The following P2RY8 variants were observed in gnomAD, a reference collection of about 807,000 sequenced individuals.
P2RY8 encodes the protein S-geranylgeranyl-glutathione receptor P2RY8.
A neutral mutation model predicts 10.0 loss-of-function variants in P2RY8; 6 were observed. The observed-to-expected ratio is 0.60, with a 90% CI of 0.33 to 1.19. The LOEUF is 1.19. Ranked by LOEUF, P2RY8 falls within the 50% of genes most tolerant of loss-of-function variation. The pLI is 0.04. For missense variants in P2RY8, 456 were observed against 542.0 expected (o/e 0.84, Z 1.58); for synonymous variants, 276 against 252.5 (o/e 1.09, Z -0.88).
At chrX:1,535,706 CACACACACAGACACACACACAG>C (rs1569539073) in intron 1 of P2RY8, among the ~76,000 whole-genome samples, 3 of 147,464 alleles carry the variant, frequency 2.0e-5, no homozygotes, top group African/African-American at 7.6e-5. Context: ...CACACACACA[CACACACACAGACACACACACAG>C]ACACACACAC....
rs7891305 is a variant in P2RY8 at position 1,484,492 on chromosome X, T to G, written c.-24-17910A>C. Among the ~76,000 whole-genome samples, 15 of 151,356 alleles carry G rather than the reference T, an allele frequency of 9.9e-5. No homozygotes were observed. The South Asian group carries it at 1.7e-3, about 17-fold the overall frequency. Reference sequence around the variant, plus strand: ...CAGTCATCCCAGCACTTTGGGAGGCTGAGGCGGGCGGATCATGAGGTCGGA... The same window carrying G: ...CAGTCATCCCAGCACTTTGGGAGGCGGAGGCGGGCGGATCATGAGGTCGGA... On this transcript the variant is annotated intron_variant, in intron 1 of 1. Coordinates refer to ENST00000381297, the MANE Select transcript of P2RY8 (RefSeq NM_178129.5).
intron 1 of P2RY8, among the ~76,000 whole-genome samples, chrX:1,521,944 CT>C (rs751056296): frequency 7.2e-4 from 28 of 39,024 alleles, no homozygotes; most frequent in African/African-American, 2.1e-3. Flanking sequence ...CTCTCGCTCT[CT>C]TTTTTTTTTT....
intron 1 of P2RY8, among the ~76,000 whole-genome samples, chrX:1,482,013 CGT>C: frequency 1.3e-5 from 2 of 152,214 alleles, no homozygotes; most frequent in Non-Finnish European, 1.5e-5. Flanking sequence ...TTTTGATCTG[CGT>C]CTTCTGCAAA....
chrX:1,536,276 T>C (rs747695404), intron 1 of P2RY8, among the ~76,000 whole-genome samples: 1 of 152,006 alleles, frequency 6.6e-6, no homozygotes, highest in South Asian at 2.1e-4. Context: ...TGTTTTTTTT[T>C]TTCTAAACAG....
chrX:1,532,620 T>C (rs2092487672), intron 1 of P2RY8, among the ~76,000 whole-genome samples: 1 of 151,958 alleles, frequency 6.6e-6, no homozygotes, highest in Admixed American at 6.6e-5. Context: ...ACTATTATTC[T>C]AAGTGAAGTA....
At chrX:1,481,138 C>G (rs1445372061) in intron 1 of P2RY8, among the ~76,000 whole-genome samples, 3 of 151,746 alleles carry the variant, frequency 2.0e-5, no homozygotes, top group Non-Finnish European at 2.9e-5. Context: ...CCTGCACCCT[C>G]TGACCTTTAG....
chrX:1,494,466 C>T (rs1409097913), intron 1 of P2RY8: 2 of 151,678 alleles, frequency 1.3e-5, no homozygotes, highest in Admixed American at 6.6e-5. Context: ...CCCCAGGGAG[C>T]GAGGTCAGGT....
intron 1 of P2RY8, among the ~76,000 whole-genome samples, chrX:1,491,306 C>A (rs1301715773): frequency 1.3e-5 from 2 of 152,196 alleles, no homozygotes; most frequent in Non-Finnish European, 2.9e-5. Context: ...ATATTCCCCA[C>A]AAATGTGGGG....
At chrX:1,468,553 G>C (rs1353960026) in intron 1 of P2RY8, among the ~76,000 whole-genome samples, 1 of 152,038 alleles carries the variant, frequency 6.6e-6, no homozygotes. Flanking sequence ...TTGCGGTTTG[G>C]GCCCCGCCGG....
chrX:1,523,139 TA>T (rs776738311), intron 1 of P2RY8, among the ~76,000 whole-genome samples: 3 of 148,432 alleles, frequency 2.0e-5, no homozygotes, highest in East Asian at 2.0e-4. Context: ...TTGAAAAAAA[TA>T]AAAAAAAGAT....
At chrX:1,498,077 G>A (rs2092134418) in intron 1 of P2RY8, among the ~76,000 whole-genome samples, 1 of 152,098 alleles carries the variant, frequency 6.6e-6, no homozygotes. Flanking sequence ...GACTCAAGCT[G>A]CTCCTGAACT....
intron 1 of P2RY8, among the ~76,000 whole-genome samples, chrX:1,496,084 G>C (rs1380565422): frequency 6.6e-6 from 1 of 152,196 alleles, no homozygotes; most frequent in African/African-American, 2.4e-5. Flanking sequence ...AGTTTGCAGT[G>C]TTTTATTACG....
intron 1 of P2RY8, among the ~76,000 whole-genome samples, chrX:1,533,890 TA>T (rs1229413403): frequency 2.4e-5 from 3 of 122,786 alleles, no homozygotes; most frequent in African/African-American, 9.8e-5. Context: ...ATATATTATA[TA>T]CTTATATATG....
At position 1,463,183 on chromosome X, in the gene P2RY8, C is replaced by T. The variant is rs188629069; in HGVS notation, c.*2296G>A. ...AGGTTTTTCACAGTTTTTTTTCCCC[C>T]ATGAGACACACCCAAGGCCCACGCT... On this transcript the variant is annotated 3_prime_UTR_variant, in exon 2 of 2. Transcript: ENST00000381297. The T allele has an allele frequency of 5.2e-3, 1,224 of 233,144 alleles. 10 individuals carry two copies. The highest frequency in any genetic ancestry group is 8.1e-3 in the Non-Finnish European group (950 of 118,004). 14.4% of individuals were successfully genotyped at this position (233,144 alleles called of 1,614,324 possible). A position where few individuals can be genotyped will look rare whatever the true frequency, so the allele number is the denominator to read the frequency against.
chrX:1,466,909 G>A lies in P2RY8; in HGVS notation c.-24-327C>T, dbSNP rs1485802373. Among the ~76,000 whole-genome samples the A allele has an allele frequency of 7.1e-5, 6 of 84,040 alleles. No homozygotes were observed. The East Asian group carries it at 1.9e-3, about 26-fold the overall frequency. The allele number at this position is 84,040 out of a possible 152,430, so 55.1% of individuals were successfully genotyped here. A position where few individuals can be genotyped will look rare whatever the true frequency, so the allele number is the denominator to read the frequency against. On this transcript the variant is annotated intron_variant, in intron 1 of 1. Transcript: ENST00000381297. ...TTCCTTCCCGCCCTCCCTCCCTCCC[G>A]TCCTTCCTTGGATCAGGGAGGTCAT...
intron 1 of P2RY8, among the ~76,000 whole-genome samples, chrX:1,474,923 TG>T (rs2091858936): frequency 6.9e-6 from 1 of 145,358 alleles, no homozygotes; most frequent in Non-Finnish European, 1.5e-5. Context: ...GGTGGGTGGA[TG>T]GATGAATCAG....
At chrX:1,469,320 C>G (rs1245780132) in intron 1 of P2RY8, among the ~76,000 whole-genome samples, 1 of 150,918 alleles carries the variant, frequency 6.6e-6, no homozygotes, top group Non-Finnish European at 1.5e-5. Flanking sequence ...TGCACCACCA[C>G]GCCTGGCTGA....
At chrX:1,490,458 G>C (rs2092033926) in intron 1 of P2RY8, among the ~76,000 whole-genome samples, 1 of 145,810 alleles carries the variant, frequency 6.9e-6, no homozygotes, top group African/African-American at 2.6e-5. Flanking sequence ...ATGATACCCA[G>C]ATATTCCCTG....
chrX:1,483,360 C>T lies in P2RY8; in HGVS notation c.-24-16778G>A, dbSNP rs191085205. 1.7e-3 allele frequency among the ~76,000 whole-genome samples: 252 copies of T among 151,758 alleles called. 1 individual carries two copies. Among genetic ancestry groups the T allele is most frequent in the African/African-American group, 5.8e-3 (238 of 41,356 alleles). On this transcript the variant is annotated intron_variant, in intron 1 of 1. Transcript: ENST00000381297. ...CCTTAAAACCCAAACAGGAGCCAGG[C>T]GTGGTGGCTCATGCCTGTAATCCCA...
Sources: allele counts gnomAD v4.1 joint callset (sites outside exome capture counted in the v4.1 genomes callset), GRCh38; gene constraint gnomAD v4.1.1; transcripts MANE v1.5; gene names NCBI Gene and HGNC (gene_info 2026-07-23, HGNC 2026-07-21).